NECTIN4: variants seen among roughly 807,000 people sequenced by gnomAD.
NECTIN4 encodes nectin cell adhesion molecule 4, also known as nectin-4.
Under a neutral mutation model 51.7 loss-of-function variants are expected in NECTIN4, and 19 were observed. The observed-to-expected ratio is 0.37, with a 90% CI of 0.26 to 0.54. NECTIN4 has a LOEUF of 0.54. Ranked by LOEUF, NECTIN4 falls within the 20% of genes least tolerant of loss-of-function variation. The pLI is 0.86. For missense variants in NECTIN4, 619 were observed against 662.4 expected, an observed-to-expected ratio of 0.93 and a Z score of 0.72; for synonymous variants, 283 against 286.9, an observed-to-expected ratio of 0.99 and a Z score of 0.14.
In NECTIN4 at chr1:161,076,450, G is replaced by A; in HGVS notation, c.756C>T (p.Gly252=). ...TGTGCCACAGATTTTGGTCTTCAAG[G>A]CCCCTCACAGAGGCCTCAGCAAGGA... ...VSFLAEASVR[G]LEDQNLWHIG... The change falls in exon 4 of 9, where the codon GGC becomes GGT. Residue 252 remains glycine (G), a synonymous_variant. Coordinates refer to ENST00000368012, the MANE Select transcript of NECTIN4 (RefSeq NM_030916.3). 2.5e-6 allele frequency: 4 copies of A among 1,614,090 alleles called. No homozygotes were observed. The highest frequency in any genetic ancestry group is 1.7e-4 in the Middle Eastern group (1 of 6,052).
chr1:161,078,903 T>C (rs1239047176), intron 2 of NECTIN4, among the ~76,000 whole-genome samples: 1 of 151,834 alleles, frequency 6.6e-6, no homozygotes, highest in Admixed American at 6.6e-5. Context: ...ACCCAGCTAC[T>C]CGGGAGGCTG....
intron 4 of NECTIN4, among the ~76,000 whole-genome samples, chr1:161,075,036 T>C (rs1310905935): frequency 4.0e-5 from 3 of 75,364 alleles, no homozygotes; most frequent in African/African-American, 1.5e-4. Context: ...CAACACTGGG[T>C]ACCAGGTACA....
chr1:161,072,338 C>T lies in NECTIN4; in HGVS notation c.*323G>A. ...CCCGTGGCACATACACCACAGTTCACTTGACTCTGATATGACAGCATAATA... is the reference window on the plus strand; with the variant it reads ...CCCGTGGCACATACACCACAGTTCATTTGACTCTGATATGACAGCATAATA... On this transcript the variant is annotated 3_prime_UTR_variant, in exon 9 of 9. Coordinates refer to ENST00000368012, the MANE Select transcript of NECTIN4 (RefSeq NM_030916.3). 2.2e-6 allele frequency: 1 copy of T among 448,178 alleles called. No homozygotes were observed. Among genetic ancestry groups the T allele is most frequent in the Non-Finnish European group, 4.2e-6 (1 of 239,028 alleles). The allele number at this position is 448,178 out of a possible 1,614,324, so 27.8% of individuals were successfully genotyped here.
At position 161,077,469 on chromosome 1, in the gene NECTIN4, G is replaced by A. The variant is rs1653463682; in HGVS notation, c.714C>T (p.His238=). The part of the protein sequence containing the change: ...PGLLQDQRIT[H]ILHVSFLAEA... Reference sequence around the variant, plus strand: ...AGTACTTACAGGACACGTGGAGGATGTGGGTGATCCTTTGGTCCTGGAGCA... The same window carrying A: ...AGTACTTACAGGACACGTGGAGGATATGGGTGATCCTTTGGTCCTGGAGCA... The change falls in exon 3 of 9, where the codon CAC becomes CAT. Residue 238 remains histidine, a synonymous_variant. Transcript: ENST00000368012. 2 of 1,614,170 alleles carry A rather than the reference G, an allele frequency of 1.2e-6. No homozygotes were observed. The highest frequency in any genetic ancestry group is 1.7e-6 in the Non-Finnish European group (2 of 1,180,040).
At chr1:161,078,734 G>A (rs925466036) in intron 2 of NECTIN4, among the ~76,000 whole-genome samples, 3 of 152,132 alleles carry the variant, frequency 2.0e-5, no homozygotes, top group African/African-American at 7.2e-5. Context: ...GATTGTGGCT[G>A]GGCGCGGTGG....
rs971767167 is a variant in NECTIN4, at chr1:161,080,974, A to G, written c.80-1025T>C. 1.3e-5 allele frequency among the ~76,000 whole-genome samples: 2 copies of G among 152,172 alleles called. 1 individual carries two copies. The highest frequency in any genetic ancestry group is 1.3e-4 in the Admixed American group (2 of 15,274). On this transcript the variant is annotated intron_variant, in intron 1 of 8. Coordinates refer to ENST00000368012, the MANE Select transcript of NECTIN4 (RefSeq NM_030916.3). ...CCAACTGTGGGATGGGGCAATCACT[A>G]TGGGACTGAATCATTTGGGAGGGCC...
chr1:161,079,673 T>A lies in NECTIN4; in HGVS notation c.356A>T (p.Gln119Leu). The change falls in exon 2 of 9, where the codon CAG (glutamine) becomes CTG (leucine). Residue 119 changes from glutamine (Q) to leucine (L), a missense_variant. Coordinates refer to ENST00000368012, the MANE Select transcript of NECTIN4 (RefSeq NM_030916.3). ...GCACTCGTACTCGCCCTCATCCGCC[T>A]GCACTGCGTTGCGCAGGAGCACTGA... ...DGSVLLRNAV[Q>L]ADEGEYECRV... 1 of 1,606,964 alleles carries A rather than the reference T, an allele frequency of 6.2e-7. No homozygotes were observed. Among genetic ancestry groups the A allele is most frequent in the South Asian group, 1.1e-5 (1 of 91,012 alleles).
rs1399556074 is a variant in NECTIN4 at position 161,079,613 on chromosome 1, G to T, written c.416C>A (p.Ala139Glu). The T allele has an allele frequency of 1.2e-6, 2 of 1,604,966 alleles. No homozygotes were observed. The highest frequency in any genetic ancestry group is 8.5e-7 in the Non-Finnish European group (1 of 1,179,642). Residue 139 changes from alanine (A) to glutamate (E), a missense_variant, in exon 2 of 9, where the codon GCG (alanine) becomes GAG (glutamate). Physicochemically the swap from Ala to Glu is moderately radical, Grantham distance 107. This residue lies in a region of NECTIN4 where 218 missense variants were observed against 186.3 expected (regional missense o/e 1.17). Coordinates refer to ENST00000368012, the MANE Select transcript of NECTIN4 (RefSeq NM_030916.3). ...ACCCAGCACTCGGAGCCGCAGCCGC[G>T]CCTGGAAGCTGCCGGCGGGGAAGGT... is the stretch of plus-strand genomic sequence containing the variant. ...VSTFPAGSFQ[A>E]RLRLRVLVPP...
rs1315193429 is a variant in NECTIN4, at chr1:161,077,598, G to A, written c.585C>T (p.Ser195=). The A allele has an allele frequency of 6.2e-7, 1 of 1,613,894 alleles. No individual in the cohort carries two copies. Among genetic ancestry groups the A allele is most frequent in the Non-Finnish European group, 8.5e-7 (1 of 1,180,034 alleles). ...TEVKGTTSSR[S]FKHSRSAAVT... is the part of the protein sequence containing the mutation. ...CGGCAGCAGAGCGGGAGTGCTTGAA[G>A]GAACGGCTGGACGTTGTGCCTTTGA... The change falls in exon 3 of 9, where the codon TCC becomes TCT. Residue 195 remains serine (S), a synonymous_variant. Coordinates refer to ENST00000368012, the MANE Select transcript of NECTIN4 (RefSeq NM_030916.3).
At chr1:161,086,095 C>A (rs1033533809) in intron 1 of NECTIN4, among the ~76,000 whole-genome samples, 1 of 152,186 alleles carries the variant, frequency 6.6e-6, no homozygotes, top group Non-Finnish European at 1.5e-5. Context: ...GCCTAGACTT[C>A]GGTCAGAGCA....
intron 6 of NECTIN4, 53 bp from the exon 7 acceptor site, chr1:161,073,848 G>A (rs1174251614): frequency 8.5e-6 from 13 of 1,534,748 alleles, no homozygotes; most frequent in Non-Finnish European, 1.1e-5. Flanking sequence ...GCCTCCCAAG[G>A]TGAGCCTATC....
chr1:161,083,872 C>T (rs1409343889), intron 1 of NECTIN4, among the ~76,000 whole-genome samples: 1 of 152,228 alleles, frequency 6.6e-6, no homozygotes, highest in Admixed American at 6.5e-5. Flanking sequence ...ATGCCTGGGT[C>T]TCAACTTTCC....
intron 1 of NECTIN4, among the ~76,000 whole-genome samples, chr1:161,083,703 G>A (rs552658951): frequency 6.6e-6 from 1 of 152,376 alleles, no homozygotes; most frequent in African/African-American, 2.4e-5. Flanking sequence ...GCAAGGGAGA[G>A]AACAGGCCCA....
At chr1:161,079,105 C>T (rs1346152315) in intron 2 of NECTIN4, among the ~76,000 whole-genome samples, 2 of 152,296 alleles carry the variant, frequency 1.3e-5, no homozygotes, top group East Asian at 1.9e-4. Flanking sequence ...TATGGCCACA[C>T]CATTGCTGGG....
rs563034871 is a variant in NECTIN4, at chr1:161,088,822, C to T, written c.79+396G>A. ...TGAGTCAGCCCCAGTTCCAGGCAGC[C>T]GTTCCAGAGCCCAGGGGGTAGGCCA... is the stretch of plus-strand genomic sequence containing the variant. On this transcript the variant is annotated intron_variant, in intron 1 of 8. Transcript: ENST00000368012. 4.6e-5 allele frequency among the ~76,000 whole-genome samples: 7 copies of T among 152,260 alleles called. No individual in the cohort carries two copies. The East Asian group carries it at 5.8e-4, about 13-fold the overall frequency.
At chr1:161,075,704 A>G (rs931230409) in intron 4 of NECTIN4, among the ~76,000 whole-genome samples, 21 of 152,032 alleles carry the variant, frequency 1.4e-4, no homozygotes, top group Admixed American at 6.5e-4. Context: ...CCTGGCAGGC[A>G]GAGGTTGCAG....
In NECTIN4 at chr1:161,076,377, G is replaced by C. The variant is rs1352580641; in HGVS notation, c.829C>G (p.Pro277Ala). The C allele has an allele frequency of 6.2e-7, 1 of 1,614,146 alleles. No individual in the cohort carries two copies. The highest frequency in any genetic ancestry group is 8.5e-7 in the Non-Finnish European group (1 of 1,180,020). Residue 277 changes from proline (P) to alanine (A), a missense_variant, in exon 4 of 9, where the codon CCT becomes GCT. Pro to Ala is a conservative substitution (Grantham distance 27). Coordinates refer to ENST00000368012, the MANE Select transcript of NECTIN4 (RefSeq NM_030916.3). ...TACCGTGTCCAGTTGTATGAGGGAG[G>C]GGGCTGCCCTTCACTCAGGCACTTG... ...MLKCLSEGQPPPSYNWTRLDG... is the reference protein window; with the variant it reads ...MLKCLSEGQPAPSYNWTRLDG...
intron 2 of NECTIN4, 152 bp downstream of exon 2, chr1:161,079,438 G>T (rs904944093): frequency 3.9e-6 from 4 of 1,033,448 alleles, no homozygotes; most frequent in Non-Finnish European, 5.6e-6. Flanking sequence ...GATTGGGTGC[G>T]AGGATAGCTA....
chr1:161,073,458 G>A (rs987216308), intron 7 of NECTIN4, among the ~76,000 whole-genome samples, 159 bp from the exon 8 acceptor site: 1 of 152,140 alleles, frequency 6.6e-6, no homozygotes, highest in South Asian at 2.1e-4. Context: ...TCCCCACTGC[G>A]ACCACAAACC....
Sources: gnomAD v4.1 joint callset for allele counts (sites outside exome capture counted in the v4.1 genomes callset) on GRCh38, gnomAD v4.1.1 for gene constraint, gnomAD v4.1.1 regional missense constraint, MANE v1.5 for transcripts, NCBI Gene and HGNC (gene_info 2026-07-23, HGNC 2026-07-21) for gene names.